Variants in DPP6 observed in about 807,000 individuals in gnomAD.
The protein encoded by DPP6 is A-type potassium channel modulatory protein DPP6.
Under a neutral mutation model 122.6 loss-of-function variants are expected in DPP6, and 69 were observed. The observed-to-expected ratio is 0.56, with a 90% CI of 0.46 to 0.69. The LOEUF (loss-of-function observed/expected upper bound fraction) is 0.69. Among genes scored for constraint, DPP6 ranks in the 30% least tolerant of loss-of-function variants. The pLI, the probability that DPP6 is intolerant of heterozygous loss-of-function variation, is 0.00. For missense variants in DPP6, 928 were observed against 1,116.9 expected (o/e 0.83, Z 2.41); for synonymous variants, 418 against 433.1 (o/e 0.97, Z 0.43).
rs965299937 is a variant in DPP6, at chr7:154,760,961, G to C, written c.884-8456G>C. ...GCGATTCTCCTGCCTCAGCCTCCCG[G>C]ATAGCTGGGACTACAGGCGCCTGCC... On this transcript the variant is annotated intron_variant, in intron 8 of 25. Coordinates refer to ENST00000377770, the MANE Select transcript of DPP6 (RefSeq NM_130797.4). This position sits in a 1 kb window ranked among gnomAD's most constrained non-coding sequence, Gnocchi z 4.5. Among the ~76,000 whole-genome samples, 2 of 151,644 alleles carry C rather than the reference G, an allele frequency of 1.3e-5. No individual in the cohort carries two copies. The highest frequency in any genetic ancestry group is 4.9e-5 in the African/African-American group (2 of 41,234).
intron 7 of DPP6, among the ~76,000 whole-genome samples, chr7:154,669,683 C>T (rs756505789): frequency 6.6e-6 from 1 of 152,138 alleles, no homozygotes; most frequent in Non-Finnish European, 1.5e-5. Flanking sequence ...CTACATCTGA[C>T]ATGGTTAAAG....
chr7:154,497,078 G>A (rs1162495933), intron 3 of DPP6, among the ~76,000 whole-genome samples: 7 of 152,118 alleles, frequency 4.6e-5, no homozygotes, highest in African/African-American at 9.7e-5. Flanking sequence ...ATGAACCATT[G>A]TAGGTTAAAA....
intron 1 of DPP6, among the ~76,000 whole-genome samples, chr7:154,021,910 T>C (rs1798719955): frequency 6.6e-6 from 1 of 152,196 alleles, no homozygotes; most frequent in Non-Finnish European, 1.5e-5. Context: ...AACACCCTCA[T>C]GGACACAATC....
At chr7:154,368,992 T>A (rs1812418635) in intron 1 of DPP6, among the ~76,000 whole-genome samples, 1 of 152,208 alleles carries the variant, frequency 6.6e-6, no homozygotes, top group African/African-American at 2.4e-5. Context: ...AGGTGGACCA[T>A]GACCTCCCTG....
At chr7:154,350,366 G>A (rs189407367) in intron 1 of DPP6, among the ~76,000 whole-genome samples, 1 of 152,188 alleles carries the variant, frequency 6.6e-6, no homozygotes, top group African/African-American at 2.4e-5. Flanking sequence ...CCTGTCATAT[G>A]TGTGATGCAG....
intron 3 of DPP6, among the ~76,000 whole-genome samples, chr7:154,538,883 G>A (rs1563822601): frequency 6.6e-6 from 1 of 152,138 alleles, no homozygotes; most frequent in Non-Finnish European, 1.5e-5. Context: ...GTATTACCAG[G>A]AAAATAAATG....
intron 1 of DPP6, among the ~76,000 whole-genome samples, chr7:154,108,285 C>T (rs573775847): frequency 3.9e-5 from 6 of 152,278 alleles, no homozygotes; most frequent in African/African-American, 1.4e-4. Context: ...CTAAGTGGCC[C>T]ACCGGTCATC....
At chr7:154,504,262 G>C (rs2129669306) in intron 3 of DPP6, among the ~76,000 whole-genome samples, 1 of 152,264 alleles carries the variant, frequency 6.6e-6, no homozygotes. Context: ...ATTATCTTGT[G>C]GCAGATGTGT....
At chr7:154,214,065 C>T (rs1799873574) in intron 1 of DPP6, among the ~76,000 whole-genome samples, 1 of 152,196 alleles carries the variant, frequency 6.6e-6, no homozygotes, top group Admixed American at 6.5e-5. Context: ...CCCCCAAGGA[C>T]AGCTGGCTGG....
chr7:154,597,844 C>A (rs1833194113), intron 5 of DPP6, among the ~76,000 whole-genome samples: 1 of 152,062 alleles, frequency 6.6e-6, no homozygotes, highest in African/African-American at 2.4e-5. Flanking sequence ...CCAGGTGCAC[C>A]AATGCATCTC....
intron 1 of DPP6, among the ~76,000 whole-genome samples, chr7:154,255,628 C>T (rs1802610201): frequency 6.6e-6 from 1 of 152,214 alleles, no homozygotes; most frequent in Admixed American, 6.5e-5. Context: ...CATAGTCCCC[C>T]TCTGCCTTTT....
At chr7:154,680,158 G>A (rs1262434381) in intron 7 of DPP6, among the ~76,000 whole-genome samples, 1 of 152,106 alleles carries the variant, frequency 6.6e-6, no homozygotes, top group African/African-American at 2.4e-5. Flanking sequence ...GGATTATGGG[G>A]GAAGTGAGAG....
rs1170662489 is a variant in DPP6, at chr7:154,313,685, G to GTATATATA, written c.244-132506_244-132499dup. Among the ~76,000 whole-genome samples the GTATATATA allele has an allele frequency of 5.2e-3, 107 of 20,408 alleles. 2 individuals carry two copies. The highest frequency in any genetic ancestry group is 6.1e-3 in the African/African-American group (48 of 7,826). 13.4% of individuals were successfully genotyped at this position (20,408 alleles called of 152,430 possible). ...AAGCAACAAGATATTTTAAGATATG[G>GTATATATA]TATATATATATATATATATATATAT... On this transcript the variant is annotated intron_variant, in intron 1 of 25. Transcript: ENST00000377770.
At chr7:153,989,743 G>T (rs1251383351) in intron 1 of DPP6, among the ~76,000 whole-genome samples, 1 of 152,014 alleles carries the variant, frequency 6.6e-6, no homozygotes, top group African/African-American at 2.4e-5. Context: ...GTGGATGCCT[G>T]TGAGGTACTG....
Position 153,911,696 on chromosome 7 carries a change from A to G in DPP6, c.51+23962A>G, listed in dbSNP as rs149886932. Among the ~76,000 whole-genome samples, 468 of 152,364 alleles carry G rather than the reference A, an allele frequency of 3.1e-3. 3 individuals carry two copies. Among genetic ancestry groups the G allele is most frequent in the African/African-American group, 0.01 (419 of 41,590 alleles). On this transcript the variant is annotated intron_variant, in intron 1 of 25. Coordinates refer to the DPP6 transcript ENST00000404039. ...TTATCACATGCAGATTAATAAATTG[A>G]GGTCAACAGAAACTGCTTCTGCATG...
At position 154,121,257 on chromosome 7, in the gene DPP6, T is replaced by C. The variant is rs369873601; in HGVS notation, c.243+68194T>C. Among the ~76,000 whole-genome samples, 6 of 152,342 alleles carry C rather than the reference T, an allele frequency of 3.9e-5. No homozygotes were observed. In the East Asian group the frequency reaches 9.6e-4, roughly 24 times the overall value. On this transcript the variant is annotated intron_variant, in intron 1 of 25. Coordinates refer to ENST00000377770, the MANE Select transcript of DPP6 (RefSeq NM_130797.4). ...AATATTCTCCACTGTTTTTCTATTCTCTACGTTATTTACTTCTGCTCTATT... is the reference window on the plus strand; with the variant it reads ...AATATTCTCCACTGTTTTTCTATTCCCTACGTTATTTACTTCTGCTCTATT...
chr7:154,135,840 A>G (rs1795525607), intron 1 of DPP6, among the ~76,000 whole-genome samples: 1 of 143,664 alleles, frequency 7.0e-6, no homozygotes, highest in African/African-American at 2.8e-5. Flanking sequence ...TCCTGTGAGT[A>G]CCACTTTCTC....
intron 1 of DPP6, among the ~76,000 whole-genome samples, chr7:154,115,231 C>A (rs1806896108): frequency 6.6e-6 from 1 of 152,138 alleles, no homozygotes; most frequent in South Asian, 2.1e-4. Context: ...GTGCTGTCCC[C>A]CCTTCTGCCA....
At chr7:153,878,044 C>T in the DPP6 span, among the ~76,000 whole-genome samples, 19 of 152,166 alleles carry the variant, frequency 1.2e-4, no homozygotes, top group African/African-American at 4.3e-4. Context: ...GTTTTTGAGG[C>T]AATGCAAGAT....
Sources: gnomAD v4.1 joint callset for allele counts (sites outside exome capture counted in the v4.1 genomes callset) on GRCh38, gnomAD v4.1.1 for gene constraint, Gnocchi (gnomAD v3.1) non-coding constraint, MANE v1.5 for transcripts, NCBI Gene and HGNC (gene_info 2026-07-23, HGNC 2026-07-21) for gene names.